The following LYPD6 variants were observed in gnomAD, a reference collection of about 807,000 sequenced individuals.
The protein encoded by LYPD6 is LY6/PLAUR domain containing 6.
LYPD6 carries 15 observed loss-of-function variants against 22.7 expected under a neutral mutation model. The observed-to-expected ratio is 0.66, with a 90% CI of 0.44 to 1.02. The LOEUF (loss-of-function observed/expected upper bound fraction) is 1.02. LYPD6 is among the 50% of genes least tolerant of loss of function. LYPD6 has a pLI of 0.00. For synonymous variants in LYPD6, 72 were observed against 77.5 expected (o/e 0.93, Z 0.37); for missense variants, 189 against 208.4 (o/e 0.91, Z 0.57).
intron 1 of LYPD6, among the ~76,000 whole-genome samples, chr2:149,413,172 A>G (rs1682889796): frequency 6.6e-6 from 1 of 152,246 alleles, no homozygotes; most frequent in African/African-American, 2.4e-5. Context: ...GATATTTGGG[A>G]GTCCCGAACT....
intron 3 of LYPD6, among the ~76,000 whole-genome samples, chr2:149,457,280 G>A (rs1298196903): frequency 6.6e-6 from 1 of 151,236 alleles, no homozygotes; most frequent in African/African-American, 2.5e-5. Context: ...ATATGTTATA[G>A]ACGTCGTAGA....
At chr2:149,331,074 G>C (rs764569713) in intron 1 of LYPD6, among the ~76,000 whole-genome samples, 19 of 152,162 alleles carry the variant, frequency 1.2e-4, no homozygotes, top group Non-Finnish European at 1.8e-4. Flanking sequence ...CCCAACATGC[G>C]TCCACCAGGA....
chr2:149,406,165 A>G (rs1305578429), intron 1 of LYPD6, among the ~76,000 whole-genome samples: 106 of 149,544 alleles, frequency 7.1e-4, no homozygotes, highest in Non-Finnish European at 7.5e-4. Flanking sequence ...TATGTGGTCA[A>G]TTTTGGAATA....
chr2:149,372,399 G>A lies in LYPD6; in HGVS notation c.-72+41677G>A, dbSNP rs1372308141. 2.6e-5 allele frequency among the ~76,000 whole-genome samples: 4 copies of A among 152,312 alleles called. No individual in the cohort carries two copies. In the South Asian group the frequency reaches 8.3e-4, roughly 32 times the overall value. On this transcript the variant is annotated intron_variant, in intron 1 of 4. Transcript: ENST00000334166. ...TCTCTTTGACTAAATTTCCCTAGCA[G>A]AATATCCAGATTGGTTCAAAGCCCA... is the stretch of plus-strand genomic sequence containing the variant.
chr2:149,482,702 G>C, the LYPD6 span, among the ~76,000 whole-genome samples: 1 of 152,164 alleles, frequency 6.6e-6, no homozygotes, highest in Non-Finnish European at 1.5e-5. Flanking sequence ...AGCTGGGATT[G>C]TTCCTAGAAT....
chr2:149,436,570 ATCTTATC>A (rs1401868558), intron 1 of LYPD6, among the ~76,000 whole-genome samples: 1 of 152,050 alleles, frequency 6.6e-6, no homozygotes, highest in Non-Finnish European at 1.5e-5. Flanking sequence ...CGATAACACA[ATCTTATC>A]AGTTTGGTTT....
chr2:149,409,116 C>G (rs943458432), intron 1 of LYPD6, among the ~76,000 whole-genome samples: 1 of 152,174 alleles, frequency 6.6e-6, no homozygotes, highest in Non-Finnish European at 1.5e-5. Flanking sequence ...ATGTGGTGCT[C>G]TCTCCTTTCC....
intron 1 of LYPD6, among the ~76,000 whole-genome samples, chr2:149,369,677 A>G (rs1158024880): frequency 6.6e-6 from 1 of 152,150 alleles, no homozygotes; most frequent in African/African-American, 2.4e-5. Flanking sequence ...GGGGTCAAAA[A>G]AGCCAGACAA....
chr2:149,466,643 T>C (rs1573831611), intron 3 of LYPD6, among the ~76,000 whole-genome samples: 1 of 152,218 alleles, frequency 6.6e-6, no homozygotes, highest in Non-Finnish European at 1.5e-5. Context: ...TAGAAAAGTA[T>C]GAACAAAGAA....
chr2:149,402,235 T>C (rs1302284405), intron 1 of LYPD6, among the ~76,000 whole-genome samples: 1 of 147,450 alleles, frequency 6.8e-6, no homozygotes, highest in Non-Finnish European at 1.5e-5. Context: ...TGTGTTTGCG[T>C]GTGTGTGTGT....
intron 3 of LYPD6, among the ~76,000 whole-genome samples, chr2:149,450,906 A>C (rs1479762216): frequency 6.6e-6 from 1 of 152,242 alleles, no homozygotes; most frequent in East Asian, 1.9e-4. Flanking sequence ...GACTTCAGGC[A>C]AAACCAAGAT....
At chr2:149,337,756 A>G (rs1339435696) in intron 1 of LYPD6, among the ~76,000 whole-genome samples, 2 of 152,158 alleles carry the variant, frequency 1.3e-5, no homozygotes, top group African/African-American at 4.8e-5. Flanking sequence ...ATAGTTCTCA[A>G]TAGGTAATTT....
chr2:149,398,438 TG>T (rs1682474892), intron 1 of LYPD6, among the ~76,000 whole-genome samples: 1 of 151,990 alleles, frequency 6.6e-6, no homozygotes, highest in Non-Finnish European at 1.5e-5. Flanking sequence ...TGTGTGTGTG[TG>T]TGTGTGTGTA....
intron 3 of LYPD6, chr2:149,464,128 CA>C (rs1681149175): frequency 2.6e-5 from 9 of 347,694 alleles, no homozygotes; most frequent in South Asian, 2.0e-4. Context: ...AAAAAAAAAA[CA>C]GTTTAAACAC....
At chr2:149,446,984 T>C (rs1380946439) in intron 2 of LYPD6, among the ~76,000 whole-genome samples, 1 of 152,212 alleles carries the variant, frequency 6.6e-6, no homozygotes, top group Non-Finnish European at 1.5e-5. Context: ...AGATGATTAT[T>C]TCCGCCAGTG....
chr2:149,419,335 T>A (rs1683029687), intron 1 of LYPD6, among the ~76,000 whole-genome samples: 1 of 152,220 alleles, frequency 6.6e-6, no homozygotes, highest in South Asian at 2.1e-4. Flanking sequence ...TGGGTAATAC[T>A]CATTCTTCTT....
intron 1 of LYPD6, among the ~76,000 whole-genome samples, chr2:149,384,942 A>G (rs1232951991): frequency 7.8e-6 from 1 of 127,532 alleles, no homozygotes; most frequent in East Asian, 2.3e-4. Context: ...ATGTGTTCTC[A>G]TTGTTCAATT....
chr2:149,449,247 C>T (rs890202447), intron 3 of LYPD6, 100 bp downstream of exon 3: 2 of 696,336 alleles, frequency 2.9e-6, no homozygotes, highest in Non-Finnish European at 5.0e-6. Context: ...CTTGCAATCT[C>T]AGCTGCTCCT....
chr2:149,338,637 G>C (rs892767435), intron 1 of LYPD6, among the ~76,000 whole-genome samples: 2 of 152,100 alleles, frequency 1.3e-5, no homozygotes, highest in Non-Finnish European at 2.9e-5. Context: ...AGATCTGCTG[G>C]TATTGTCATC....
Sources: allele counts gnomAD v4.1 joint callset (sites outside exome capture counted in the v4.1 genomes callset), GRCh38; gene constraint gnomAD v4.1.1; transcripts MANE v1.5; gene names NCBI Gene and HGNC (gene_info 2026-07-23, HGNC 2026-07-21).